Variants in GREM2 observed in about 807,000 individuals in gnomAD.
The protein encoded by GREM2 is gremlin 2, DAN family BMP antagonist.
Under a neutral mutation model 14.2 loss-of-function variants are expected in GREM2, and 11 were observed. That is an observed-to-expected ratio of 0.78 (90% CI 0.49 to 1.28). The LOEUF (loss-of-function observed/expected upper bound fraction) is 1.28, where lower values mean the gene tolerates loss of function less well. Among genes scored for constraint, GREM2 ranks in the 50% most tolerant of loss-of-function variants. GREM2 has a pLI of 0.00. For missense variants in GREM2, 210 were observed against 218.5 expected, an observed-to-expected ratio of 0.96 and a Z score of 0.24; for synonymous variants, 98 against 97.6, an observed-to-expected ratio of 1.00 and a Z score of -0.02.
chr1:240,574,619 C>A (rs747068046), intron 1 of GREM2, among the ~76,000 whole-genome samples: 71 of 152,088 alleles, frequency 4.7e-4, no homozygotes, highest in Admixed American at 1.1e-3. Flanking sequence ...GCCTAGAACT[C>A]AGCAAAGTAG....
intron 1 of GREM2, among the ~76,000 whole-genome samples, chr1:240,494,801 T>C (rs1386246719): frequency 6.6e-6 from 1 of 151,982 alleles, no homozygotes; most frequent in African/African-American, 2.4e-5. Context: ...CTTGGGAGGC[T>C]GAGGCAGGAG....
chr1:240,499,868 G>C (rs1453624508), intron 1 of GREM2, among the ~76,000 whole-genome samples: 2 of 152,232 alleles, frequency 1.3e-5, no homozygotes, highest in Non-Finnish European at 2.9e-5. Flanking sequence ...GTGAGTGGTG[G>C]AGACCTGAAT....
At chr1:240,599,087 G>A (rs1248263165) in intron 1 of GREM2, among the ~76,000 whole-genome samples, 1 of 151,952 alleles carries the variant, frequency 6.6e-6, no homozygotes, top group Non-Finnish European at 1.5e-5. Flanking sequence ...TGGCTAACAT[G>A]GCGAAACCCG....
rs376146710 is a variant in GREM2 at position 240,526,900 on chromosome 1, G to A, written c.-1-33424C>T. ...AAGAGATGGCTTAAGGGCACTGGCT[G>A]GAGAGAAACTTGAACCTCTAGGATG... On this transcript the variant is annotated intron_variant, in intron 1 of 1. Transcript: ENST00000318160. Among the ~76,000 whole-genome samples, 43 of 152,298 alleles carry A rather than the reference G, an allele frequency of 2.8e-4. No individual in the cohort carries two copies. The East Asian group carries it at 5.6e-3, about 20-fold the overall frequency.
chr1:240,559,214 G>T (rs1463022617), intron 1 of GREM2, among the ~76,000 whole-genome samples: 1 of 152,002 alleles, frequency 6.6e-6, no homozygotes, highest in Non-Finnish European at 1.5e-5. Context: ...ACTTAAGCAT[G>T]ATTTTATAAC....
At chr1:240,532,646 TAG>T (rs1558152019) in intron 1 of GREM2, among the ~76,000 whole-genome samples, 88 of 39,318 alleles carry the variant, frequency 2.2e-3, no homozygotes, top group African/African-American at 5.7e-3. Context: ...TATATATAGA[TAG>T]ATAGATAGAT....
intron 1 of GREM2, among the ~76,000 whole-genome samples, chr1:240,562,987 TGTGTATGTGTGTATATGTGA>T (rs2103353180): frequency 6.8e-6 from 1 of 147,620 alleles, no homozygotes; most frequent in African/African-American, 2.6e-5. Flanking sequence ...TATATGTAAG[TGTGTATGTGTGTATATGTGA>T]GTGTATGTGT....
At chr1:240,589,409 T>C (rs1019053151) in intron 1 of GREM2, among the ~76,000 whole-genome samples, 2 of 146,916 alleles carry the variant, frequency 1.4e-5, no homozygotes, top group African/African-American at 5.1e-5. Context: ...CACTCCAGCC[T>C]GGGCAACAAA....
At chr1:240,516,415 G>T (rs1486100722) in intron 1 of GREM2, among the ~76,000 whole-genome samples, 1 of 152,104 alleles carries the variant, frequency 6.6e-6, no homozygotes, top group Non-Finnish European at 1.5e-5. Flanking sequence ...GGCATTAAAT[G>T]GATACTGGTG....
At chr1:240,573,906 GATA>G (rs1679307265) in intron 1 of GREM2, among the ~76,000 whole-genome samples, 1 of 152,022 alleles carries the variant, frequency 6.6e-6, no homozygotes, top group Non-Finnish European at 1.5e-5. Context: ...TTTCAAATAA[GATA>G]ATAAGAGATA....
chr1:240,602,922 T>C (rs1679955964), intron 1 of GREM2, among the ~76,000 whole-genome samples: 1 of 151,120 alleles, frequency 6.6e-6, no homozygotes, highest in South Asian at 2.1e-4. Context: ...AAATACAAAA[T>C]ACTAGCCGGG....
intron 1 of GREM2, among the ~76,000 whole-genome samples, chr1:240,599,890 G>A (rs1679887801): frequency 6.6e-6 from 1 of 152,064 alleles, no homozygotes; most frequent in African/African-American, 2.4e-5. Context: ...TGAGCACTAG[G>A]GAAAATAATC....
chr1:240,533,212 A>G (rs1383623924), intron 1 of GREM2, among the ~76,000 whole-genome samples: 2 of 152,198 alleles, frequency 1.3e-5, no homozygotes, highest in African/African-American at 2.4e-5. Flanking sequence ...TATGAGAATA[A>G]TGAAAAGTGG....
rs569900545 is a variant in GREM2 at position 240,607,716 on chromosome 1, G to T, written c.-2+4168C>A. On this transcript the variant is annotated intron_variant, in intron 1 of 1. Transcript: ENST00000318160. ...TCATCTGTTTTTCGTCTATTAGATG[G>T]ATGATAAACATCTGATCAAATCCAC... is the stretch of plus-strand genomic sequence containing the variant. Among the ~76,000 whole-genome samples the T allele has an allele frequency of 8.0e-4, 122 of 152,280 alleles. 1 individual carries two copies. The South Asian group carries it at 0.024, about 31-fold the overall frequency.
At chr1:240,527,868 A>G (rs1329937554) in intron 1 of GREM2, among the ~76,000 whole-genome samples, 2 of 152,220 alleles carry the variant, frequency 1.3e-5, no homozygotes, top group Non-Finnish European at 2.9e-5. Context: ...CAGTATGTAA[A>G]ATTACAAAAC....
At chr1:240,557,393 G>A (rs1678969581) in intron 1 of GREM2, among the ~76,000 whole-genome samples, 1 of 151,876 alleles carries the variant, frequency 6.6e-6, no homozygotes, top group Non-Finnish European at 1.5e-5. Flanking sequence ...TGTGGTCAAG[G>A]AGAAGAACCC....
At chr1:240,511,505 C>G (rs1273840495) in intron 1 of GREM2, among the ~76,000 whole-genome samples, 1 of 152,156 alleles carries the variant, frequency 6.6e-6, no homozygotes, top group Non-Finnish European at 1.5e-5. Context: ...AATCCCAGCA[C>G]TTTGGGAAGC....
chr1:240,584,053 T>C (rs1295602668), intron 1 of GREM2, among the ~76,000 whole-genome samples: 3 of 152,014 alleles, frequency 2.0e-5, no homozygotes, highest in Non-Finnish European at 4.4e-5. Context: ...GGCCTCCATA[T>C]CCTAGATTTC....
chr1:240,521,022 G>C (rs1678072690), intron 1 of GREM2, among the ~76,000 whole-genome samples: 1 of 151,734 alleles, frequency 6.6e-6, no homozygotes, highest in Non-Finnish European at 1.5e-5. Context: ...TTTTGGAAAA[G>C]CAGGACAACA....
Sources: allele counts gnomAD v4.1 joint callset (sites outside exome capture counted in the v4.1 genomes callset), GRCh38; gene constraint gnomAD v4.1.1; transcripts MANE v1.5; gene names NCBI Gene and HGNC (gene_info 2026-07-23, HGNC 2026-07-21).